Variants in GART observed in about 807,000 individuals in gnomAD.
The protein encoded by GART is phosphoribosylglycinamide formyltransferase, phosphoribosylglycinamide synthetase, phosphoribosylaminoimidazole synthetase, also known as trifunctional purine biosynthetic protein adenosine-3.
GART carries 43 observed loss-of-function variants against 107.2 expected under a neutral mutation model. That is an observed-to-expected ratio of 0.40 (90% CI 0.31 to 0.52). The LOEUF is 0.52. GART is among the 20% of genes least tolerant of loss of function. The pLI is 0.52. For missense variants in GART, 1,107 were observed against 1,206.5 expected (o/e 0.92, Z 1.22); for synonymous variants, 434 against 427.0 (o/e 1.02, Z -0.20).
chr21:33,529,977 G>A (rs1024090246), intron 7 of GART, among the ~76,000 whole-genome samples: 17 of 151,760 alleles, frequency 1.1e-4, no homozygotes, highest in African/African-American at 2.9e-4. Flanking sequence ...GGCAGATCAC[G>A]GGTCAAGAGA....
At chr21:33,507,899 G>T (rs976236798) in intron 18 of GART, among the ~76,000 whole-genome samples, 1 of 152,044 alleles carries the variant, frequency 6.6e-6, no homozygotes, top group Non-Finnish European at 1.5e-5. Context: ...GTAACACAAA[G>T]AATAAATGCT....
At chr21:33,530,009 T>C (rs1397475449) in intron 7 of GART, among the ~76,000 whole-genome samples, 1 of 151,866 alleles carries the variant, frequency 6.6e-6, no homozygotes, top group Non-Finnish European at 1.5e-5. Flanking sequence ...CTGGCCAACA[T>C]GGTGAAACCC....
chr21:33,534,854 G>A (rs757639964), intron 3 of GART, 101 bp from the exon 4 acceptor site: 7 of 1,001,586 alleles, frequency 7.0e-6, no homozygotes, highest in Non-Finnish European at 9.9e-6. Flanking sequence ...TCTAGACAAG[G>A]CAGATGACTG....
Position 33,504,304 on chromosome 21 carries a change from A to G in GART, c.2853T>C (p.Asp951=). 5.0e-6 allele frequency: 8 copies of G among 1,613,538 alleles called. No homozygotes were observed. The highest frequency in any genetic ancestry group is 6.8e-6 in the Non-Finnish European group (8 of 1,179,504). Residue 951 remains aspartate, a synonymous_variant, in exon 22 of 22, where the codon GAT becomes GAC. Transcript: ENST00000381815. ...CTTCTTGCAAAATAATCTGTCCAGC[A>G]TCCACATCTTCCTGGAAAAGTAAGC... is the stretch of plus-strand genomic sequence containing the variant. The part of the protein sequence containing the change: ...CTVHFVAEDV[D]AGQIILQEAV...
At chr21:33,514,768 A>G (rs185360564) in intron 16 of GART, among the ~76,000 whole-genome samples, 47 of 152,322 alleles carry the variant, frequency 3.1e-4, no homozygotes, top group Admixed American at 1.8e-3. Flanking sequence ...TAATATGCTC[A>G]GTCCATGGAC....
intron 2 of GART, 64 bp downstream of exon 2, chr21:33,539,107 T>C (rs751054161): frequency 2.2e-5 from 32 of 1,472,530 alleles, no homozygotes; most frequent in Non-Finnish European, 2.7e-5. Context: ...AGTACAGATA[T>C]GGTTGACAGC....
upstream of GART, chr21:33,542,734 C>G: frequency 4.1e-6 from 1 of 241,536 alleles, no homozygotes. Context: ...CCTTTAATCT[C>G]AGGCACTTAG....
Position 33,524,551 on chromosome 21 carries a change from A to G in GART, c.1298+218T>C, listed in dbSNP as rs555239978. On this transcript the variant is annotated intron_variant, in intron 11 of 21. Transcript: ENST00000381815. Reference sequence around the variant, plus strand: ...ACAAATAAAAATCAGTACCACTGTGATTTTGCTAAACTTTCCAAACTTACG... The same window carrying G: ...ACAAATAAAAATCAGTACCACTGTGGTTTTGCTAAACTTTCCAAACTTACG... 1.6e-5 allele frequency: 20 copies of G among 1,246,970 alleles called. No homozygotes were observed. The African/African-American group carries it at 2.3e-4, about 15-fold the overall frequency. 77.2% of individuals were successfully genotyped at this position (1,246,970 alleles called of 1,614,324 possible).
chr21:33,504,613 A>G, intron 20 of GART, 86 bp from the exon 21 acceptor site: 1 of 925,234 alleles, frequency 1.1e-6, no homozygotes. Flanking sequence ...CTAGATCCGA[A>G]GTCAAACAGG....
rs199607953 is a variant in GART, at chr21:33,528,484, C to T, written c.897+35G>A. The T allele has an allele frequency of 7.5e-5, 117 of 1,557,478 alleles. No individual in the cohort carries two copies. The African/African-American group carries it at 1.4e-3, about 19-fold the overall frequency. On this transcript the variant is annotated intron_variant, in intron 9 of 21. Transcript: ENST00000381815. ...ATTCCAAGATTAAAATACCACATAT[C>T]TTCTACCAAGTAATACTTTGATATT...
intron 4 of GART, among the ~76,000 whole-genome samples, chr21:33,534,226 T>G (rs1236532988): frequency 6.6e-6 from 1 of 152,164 alleles, no homozygotes; most frequent in Non-Finnish European, 1.5e-5. Context: ...TTATTTAATT[T>G]TTTTGAGACA....
chr21:33,507,893 C>T (rs1027040867), intron 18 of GART, among the ~76,000 whole-genome samples: 1 of 151,952 alleles, frequency 6.6e-6, no homozygotes, highest in Admixed American at 6.6e-5. Context: ...TTGTTTGTAA[C>T]ACAAAGAATA....
intron 17 of GART, 57 bp downstream of exon 17, chr21:33,511,195 A>G (rs1276263763): frequency 1.5e-5 from 24 of 1,567,936 alleles, no homozygotes; most frequent in Non-Finnish European, 2.0e-5. Flanking sequence ...AGGCTGAGGT[A>G]TAGCTAAAAT....
intron 16 of GART, among the ~76,000 whole-genome samples, chr21:33,514,907 A>T (rs1473186290): frequency 6.6e-6 from 1 of 151,666 alleles, no homozygotes; most frequent in Non-Finnish European, 1.5e-5. Flanking sequence ...CCTACCTCTG[A>T]CTCTTCAGTT....
At chr21:33,536,877 T>C (rs1201500643) in intron 2 of GART, among the ~76,000 whole-genome samples, 1 of 152,248 alleles carries the variant, frequency 6.6e-6, no homozygotes, top group African/African-American at 2.4e-5. Context: ...GAATTATTTC[T>C]GAAATTTTCC....
At chr21:33,513,491 A>G (rs888525784) in intron 16 of GART, among the ~76,000 whole-genome samples, 1 of 151,860 alleles carries the variant, frequency 6.6e-6, no homozygotes, top group Admixed American at 6.6e-5. Flanking sequence ...AATCACTTGA[A>G]CCCGGGAGGT....
At chr21:33,519,736 G>A (rs1159267885) in intron 14 of GART, among the ~76,000 whole-genome samples, 11 of 151,834 alleles carry the variant, frequency 7.2e-5, no homozygotes, top group Non-Finnish European at 1.5e-5. Context: ...GCTGAAGCAG[G>A]AGGATCCCTT....
rs1434362709 is a variant in GART, at chr21:33,528,278, C to T, written c.955G>A (p.Gly319Arg). The change falls in exon 10 of 22, where the codon GGA (glycine) becomes AGA (arginine). Residue 319 changes from glycine (G) to arginine (R), a missense_variant. Physicochemically the swap from Gly to Arg is moderately radical, Grantham distance 125. Coordinates refer to ENST00000381815, the MANE Select transcript of GART (RefSeq NM_000819.5). ...LYEVIQSTLDGLLCTSLPVWL... is the reference protein window; with the variant it reads ...LYEVIQSTLDRLLCTSLPVWL... ...ACAGGCAGAGATGTGCAGAGCAGTC[C>T]ATCTAAGGTGGACTGAATCACTTCA... The T allele has an allele frequency of 3.1e-6, 5 of 1,613,964 alleles. No homozygotes were observed. The highest frequency in any genetic ancestry group is 4.5e-5 in the East Asian group (2 of 44,898).
intron 11 of GART, chr21:33,524,433 CCCAGCT>C: frequency 1.7e-6 from 1 of 586,942 alleles, no homozygotes; most frequent in Non-Finnish European, 2.2e-6. Context: ...TGCCTGTAGT[CCCAGCT>C]ATTTGGGAGG....
Sources: allele counts gnomAD v4.1 joint callset (sites outside exome capture counted in the v4.1 genomes callset), GRCh38; gene constraint gnomAD v4.1.1; transcripts MANE v1.5; gene names NCBI Gene and HGNC (gene_info 2026-07-23, HGNC 2026-07-21).